The following QTMAN variants were observed in gnomAD, a reference collection of about 807,000 sequenced individuals.
QTMAN encodes tRNA-queuosine alpha-mannosyltransferase.
the QTMAN span, among the ~76,000 whole-genome samples, chr2:144,182,648 A>G: frequency 6.9e-6 from 1 of 145,018 alleles, no homozygotes; most frequent in Non-Finnish European, 1.5e-5. Flanking sequence ...CGTCTCAAAA[A>G]AAAAAAAAAA....
the QTMAN span, among the ~76,000 whole-genome samples, chr2:143,996,193 C>T: frequency 6.6e-6 from 1 of 152,238 alleles, no homozygotes; most frequent in East Asian, 1.9e-4. Flanking sequence ...TTTAAGGTCC[C>T]AAGCCAAAGG....
the QTMAN span, among the ~76,000 whole-genome samples, chr2:144,156,883 G>C: frequency 6.6e-6 from 1 of 152,012 alleles, no homozygotes. Context: ...ACTACAGAAA[G>C]AAGGACCTTA....
chr2:144,136,353 G>A, the QTMAN span, among the ~76,000 whole-genome samples: 5 of 133,726 alleles, frequency 3.7e-5, no homozygotes, highest in Non-Finnish European at 6.2e-5. Context: ...GAGCGGAGGG[G>A]AGGGAACAGA....
the QTMAN span, among the ~76,000 whole-genome samples, chr2:144,206,530 G>A: frequency 2.0e-5 from 3 of 152,192 alleles, no homozygotes; most frequent in Non-Finnish European, 4.4e-5. Flanking sequence ...TTAAACTGGT[G>A]AGGCATGTCT....
At chr2:144,116,142 T>C in the QTMAN span, among the ~76,000 whole-genome samples, 1 of 152,046 alleles carries the variant, frequency 6.6e-6, no homozygotes, top group Non-Finnish European at 1.5e-5. Context: ...TAACATTCTA[T>C]GGTGTCAGCA....
the QTMAN span, among the ~76,000 whole-genome samples, chr2:144,142,256 T>C: frequency 1.1e-4 from 17 of 151,958 alleles, no homozygotes; most frequent in African/African-American, 3.9e-4. Context: ...AGGGAGTTGA[T>C]TGGTGGCATC....
chr2:144,185,605 ATCT>A, the QTMAN span, among the ~76,000 whole-genome samples: 1 of 152,144 alleles, frequency 6.6e-6, no homozygotes, highest in South Asian at 2.1e-4. Context: ...AGTAACCATA[ATCT>A]TCTTTGAAGT....
the QTMAN span, among the ~76,000 whole-genome samples, chr2:144,069,606 T>G: frequency 3.9e-5 from 6 of 152,064 alleles, no homozygotes; most frequent in African/African-American, 1.4e-4. Context: ...TGTGCAAATG[T>G]GACTGATTTC....
the QTMAN span, among the ~76,000 whole-genome samples, chr2:144,242,281 G>GA: frequency 6.6e-6 from 1 of 151,426 alleles, no homozygotes; most frequent in East Asian, 1.9e-4. Context: ...ACTTATCCTA[G>GA]AAAAAATATG....
At chr2:144,276,859 G>A in the QTMAN span, among the ~76,000 whole-genome samples, 1 of 152,024 alleles carries the variant, frequency 6.6e-6, no homozygotes, top group Non-Finnish European at 1.5e-5. Context: ...ACTCTTAATA[G>A]TTCATACACT....
chr2:144,010,001 T>C, the QTMAN span, among the ~76,000 whole-genome samples: 1 of 144,652 alleles, frequency 6.9e-6, no homozygotes, highest in Admixed American at 7.2e-5. Flanking sequence ...AGATAAAGAG[T>C]GCCAGGCAAG....
At chr2:144,121,476 T>C in the QTMAN span, among the ~76,000 whole-genome samples, 4 of 152,192 alleles carry the variant, frequency 2.6e-5, no homozygotes, top group African/African-American at 7.2e-5. Context: ...TCAGTATGTC[T>C]GCCATACAGT....
At chr2:143,960,664 C>T in the QTMAN span, among the ~76,000 whole-genome samples, 4 of 152,012 alleles carry the variant, frequency 2.6e-5, no homozygotes, top group Non-Finnish European at 5.9e-5. Flanking sequence ...GAGGCAATGA[C>T]AGGATAAAAA....
At chr2:144,236,465 C>T in the QTMAN span, among the ~76,000 whole-genome samples, 1 of 151,910 alleles carries the variant, frequency 6.6e-6, no homozygotes, top group African/African-American at 2.4e-5. Flanking sequence ...GTCAGGATTC[C>T]TAAGAATATC....
the QTMAN span, among the ~76,000 whole-genome samples, chr2:144,116,402 T>C: frequency 6.6e-6 from 1 of 152,052 alleles, no homozygotes; most frequent in Admixed American, 6.6e-5. Flanking sequence ...AATTCCACCA[T>C]TCAGATGTAG....
chr2:144,113,885 A>G, the QTMAN span, among the ~76,000 whole-genome samples: 1 of 152,258 alleles, frequency 6.6e-6, no homozygotes, highest in Admixed American at 6.5e-5. Context: ...ATAGTAGACC[A>G]CAACACATAG....
chr2:144,027,811 A>T, the QTMAN span, among the ~76,000 whole-genome samples: 1 of 152,204 alleles, frequency 6.6e-6, no homozygotes, highest in Non-Finnish European at 1.5e-5. Flanking sequence ...AGTGATTAAG[A>T]TAGGGCTTTA....
the QTMAN span, among the ~76,000 whole-genome samples, chr2:144,026,755 T>TAA: frequency 6.6e-6 from 1 of 152,166 alleles, no homozygotes; most frequent in African/African-American, 2.4e-5. Context: ...TTAAATAAGC[T>TAA]AATTTATGTA....
the QTMAN span, among the ~76,000 whole-genome samples, chr2:144,080,624 G>T: frequency 6.6e-6 from 1 of 152,120 alleles, no homozygotes; most frequent in Non-Finnish European, 1.5e-5. Context: ...CTGAATTAAA[G>T]AAATCTATTT....
Sources: gnomAD v4.1 joint callset for allele counts (sites outside exome capture counted in the v4.1 genomes callset) on GRCh38, gnomAD v4.1.1 for gene constraint, MANE v1.5 for transcripts, NCBI Gene and HGNC (gene_info 2026-07-23, HGNC 2026-07-21) for gene names.